The following OR56A3 variants were observed in gnomAD, a reference collection of about 807,000 sequenced individuals.
The protein encoded by OR56A3 is olfactory receptor 56A3.
A neutral mutation model predicts 17.5 loss-of-function variants in OR56A3; 23 were observed. That is an observed-to-expected ratio of 1.32 (90% CI 0.95 to 1.87). The LOEUF (loss-of-function observed/expected upper bound fraction) is 1.87, where lower values mean the gene tolerates loss of function less well. OR56A3 is among the 40% of genes most tolerant of loss of function. The pLI is 0.00. For synonymous variants in OR56A3, 175 were observed against 150.6 expected (o/e 1.16, Z -1.19); for missense variants, 366 against 380.1 (o/e 0.96, Z 0.31).
chr11:5,960,595 A>T, the OR56A3 span, among the ~76,000 whole-genome samples: 1 of 152,064 alleles, frequency 6.6e-6, no homozygotes, highest in Non-Finnish European at 1.5e-5. Context: ...CAGTGGCGTG[A>T]TCTCGGCTCG....
the OR56A3 span, among the ~76,000 whole-genome samples, chr11:5,998,649 C>G: frequency 1.3e-5 from 2 of 152,098 alleles, no homozygotes; most frequent in African/African-American, 4.8e-5. Flanking sequence ...AAAAGTTGGA[C>G]TAAAATAAGA....
chr11:6,010,649 C>A, the OR56A3 span, among the ~76,000 whole-genome samples: 8 of 152,284 alleles, frequency 5.3e-5, no homozygotes, highest in African/African-American at 1.7e-4. Context: ...TTATTCTTTG[C>A]AGATTACCCA....
the OR56A3 span, among the ~76,000 whole-genome samples, chr11:5,998,909 G>A: frequency 6.6e-6 from 1 of 152,324 alleles, no homozygotes; most frequent in Non-Finnish European, 1.5e-5. Context: ...AAACATACAA[G>A]ATGGGATTGT....
the OR56A3 span, among the ~76,000 whole-genome samples, chr11:5,958,719 C>A: frequency 6.6e-6 from 1 of 152,056 alleles, no homozygotes; most frequent in Non-Finnish European, 1.5e-5. Flanking sequence ...TACAATAGAT[C>A]TCTTGGACTT....
At chr11:5,967,699 G>T in the OR56A3 span, 23 of 1,613,404 alleles carry the variant, frequency 1.4e-5, no homozygotes, top group Non-Finnish European at 1.9e-5. Context: ...TTCCTGGCCA[G>T]GTTAGTGATG....
chr11:6,017,875 T>G, the OR56A3 span, among the ~76,000 whole-genome samples: 1 of 152,142 alleles, frequency 6.6e-6, no homozygotes. Context: ...AAAAAGATAT[T>G]TCATGCAAAT....
chr11:5,969,467 T>C, the OR56A3 span, among the ~76,000 whole-genome samples: 1 of 152,210 alleles, frequency 6.6e-6, no homozygotes, highest in Non-Finnish European at 1.5e-5. Context: ...ACATCCTTGC[T>C]CTCCTTATTG....
the OR56A3 span, among the ~76,000 whole-genome samples, chr11:5,963,032 C>A: frequency 6.6e-6 from 1 of 152,130 alleles, no homozygotes; most frequent in African/African-American, 2.4e-5. Flanking sequence ...TCTGCGATAT[C>A]AGTTGCAGTG....
the OR56A3 span, among the ~76,000 whole-genome samples, chr11:6,008,790 G>A: frequency 3.3e-5 from 5 of 151,930 alleles, no homozygotes; most frequent in Non-Finnish European, 5.9e-5. Flanking sequence ...TGCCATCTTA[G>A]AGGGAGACCA....
the OR56A3 span, chr11:5,968,613 T>C: frequency 1.3e-6 from 1 of 782,118 alleles, no homozygotes; most frequent in Non-Finnish European, 2.0e-6. Context: ...TTATAAAATG[T>C]ATGAGATACA....
chr11:5,954,772 T>C (rs182276443), downstream of OR56A3, among the ~76,000 whole-genome samples: 1 of 152,252 alleles, frequency 6.6e-6, no homozygotes, highest in Admixed American at 6.5e-5. Flanking sequence ...TGGAACAACA[T>C]ACAGCCCTAG....
downstream of OR56A3, among the ~76,000 whole-genome samples, chr11:5,953,194 T>C (rs1847917045): frequency 6.6e-6 from 1 of 152,244 alleles, no homozygotes; most frequent in Non-Finnish European, 1.5e-5. Flanking sequence ...AGTTGGATGG[T>C]AATTCTGTTT....
chr11:5,952,616 C>G (rs1217524981), downstream of OR56A3, among the ~76,000 whole-genome samples: 2 of 151,644 alleles, frequency 1.3e-5, no homozygotes, highest in Non-Finnish European at 2.9e-5. Context: ...TATGCAAGGC[C>G]TATGTATATA....
the OR56A3 span, among the ~76,000 whole-genome samples, chr11:6,004,208 T>A: frequency 6.6e-6 from 1 of 152,008 alleles, no homozygotes; most frequent in Non-Finnish European, 1.5e-5. Flanking sequence ...AAAAATTAGC[T>A]GGGTGTGGTG....
chr11:5,983,531 C>A, the OR56A3 span, among the ~76,000 whole-genome samples: 1 of 151,928 alleles, frequency 6.6e-6, no homozygotes, highest in Non-Finnish European at 1.5e-5. Flanking sequence ...GTGACATTAG[C>A]AATAAGCCCA....
the OR56A3 span, chr11:6,020,325 T>C: frequency 2.0e-4 from 30 of 152,218 alleles, 1 homozygote; most frequent in South Asian, 6.2e-3. Flanking sequence ...TTTAAAATAG[T>C]TTTTTCTAGT....
At chr11:5,963,679 A>C in the OR56A3 span, among the ~76,000 whole-genome samples, 5 of 152,128 alleles carry the variant, frequency 3.3e-5, no homozygotes, top group African/African-American at 1.2e-4. Flanking sequence ...GAGTAGTCTT[A>C]GGTGTATTGA....
At chr11:5,945,256 G>A (rs1847861802) in intron 2 of OR56A3, among the ~76,000 whole-genome samples, 174 bp downstream of exon 2, 1 of 152,094 alleles carries the variant, frequency 6.6e-6, no homozygotes, top group Non-Finnish European at 1.5e-5. Flanking sequence ...TAGGATCAGT[G>A]GGGCAAATAC....
At chr11:5,990,187 A>G in the OR56A3 span, among the ~76,000 whole-genome samples, 70 of 152,364 alleles carry the variant, frequency 4.6e-4, no homozygotes, top group African/African-American at 1.5e-3. Context: ...TCCGGAATCT[A>G]GTGAGTAATC....
Sources: allele counts gnomAD v4.1 joint callset (sites outside exome capture counted in the v4.1 genomes callset), GRCh38; gene constraint gnomAD v4.1.1; transcripts MANE v1.5; gene names NCBI Gene and HGNC (gene_info 2026-07-23, HGNC 2026-07-21).